Variants in ARHGAP29 observed in about 807,000 individuals in gnomAD.
The protein encoded by ARHGAP29 is Rho GTPase activating protein 29, also known as rho GTPase-activating protein 29.
In ARHGAP29, 43 loss-of-function variants were observed where a neutral mutation model predicts 122.6. The observed-to-expected ratio is 0.35, with a 90% CI of 0.27 to 0.45. The LOEUF (loss-of-function observed/expected upper bound fraction) is 0.45, where lower values mean the gene tolerates loss of function less well. ARHGAP29 is among the 20% of genes least tolerant of loss of function. ARHGAP29 has a pLI of 1.00. For missense variants in ARHGAP29, 1,303 were observed against 1,477.2 expected (o/e 0.88, Z 1.93); for synonymous variants, 506 against 497.1 (o/e 1.02, Z -0.24).
chr1:94,209,118 AG>A (rs1557862962), intron 4 of ARHGAP29, 135 bp downstream of exon 4: 1 of 797,938 alleles, frequency 1.3e-6, no homozygotes, highest in African/African-American at 1.8e-5. Flanking sequence ...AAGGCCATAC[AG>A]AAGGTAGTTT....
chr1:94,313,974 G>A, the ARHGAP29 span, among the ~76,000 whole-genome samples: 21 of 152,222 alleles, frequency 1.4e-4, no homozygotes, highest in South Asian at 3.1e-3. Context: ...AGGGCCTGTC[G>A]GGGGGTGGGG....
chr1:94,178,080 T>A lies in ARHGAP29; in HGVS notation c.2568A>T (p.Thr856=). 1 of 1,614,190 alleles carries A rather than the reference T, an allele frequency of 6.2e-7. No homozygotes were observed. The highest frequency in any genetic ancestry group is 1.3e-5 in the African/African-American group (1 of 75,060). The stretch of plus-strand genomic sequence containing the variant: ...GGGAGGAGATGGTGATAGGAGCAGT[T>A]GTGGGCCTTGGCCTAATGAGACTTG... ...FGPSLIRPRP[T]TAPITISSLA... is the part of the protein sequence containing the mutation. Residue 856 remains threonine, a synonymous_variant, in exon 21 of 23, where the codon ACA becomes ACT. Transcript: ENST00000260526.
chr1:94,255,043 A>C (rs965925308), intron 1 of ARHGAP29, among the ~76,000 whole-genome samples: 4 of 152,230 alleles, frequency 2.6e-5, no homozygotes, highest in African/African-American at 9.6e-5. Context: ...ACAATGTGTT[A>C]TAGGTTGAAC....
In ARHGAP29 at chr1:94,188,198, C is replaced by T. The variant is rs934939745; in HGVS notation, c.1681+639G>A. Among the ~76,000 whole-genome samples the T allele has an allele frequency of 5.3e-5, 8 of 152,216 alleles. No individual in the cohort carries two copies. The South Asian group carries it at 1.2e-3, about 24-fold the overall frequency. Reference sequence around the variant, plus strand: ...AGGCAAGTTACTCTCTTAGAAGCCACTAAGGGAGAATTCAAATCGCTTACT... The same window carrying T: ...AGGCAAGTTACTCTCTTAGAAGCCATTAAGGGAGAATTCAAATCGCTTACT... On this transcript the variant is annotated intron_variant, in intron 15 of 22. Transcript: ENST00000260526.
chr1:94,209,223 T>C, intron 4 of ARHGAP29, 31 bp downstream of exon 4: 3 of 1,437,278 alleles, frequency 2.1e-6, no homozygotes, highest in Non-Finnish European at 2.9e-6. Context: ...CACCTAGGAC[T>C]AGTTGCTTTA....
At chr1:94,201,959 C>A in intron 11 of ARHGAP29, 102 bp from the exon 12 acceptor site, 1 of 1,147,270 alleles carries the variant, frequency 8.7e-7, no homozygotes, top group Non-Finnish European at 1.2e-6. Context: ...ATTCTGAAAT[C>A]TTCTGTTTTC....
At chr1:94,215,818 T>C (rs1454732452) in intron 3 of ARHGAP29, among the ~76,000 whole-genome samples, 1 of 152,004 alleles carries the variant, frequency 6.6e-6, no homozygotes, top group Admixed American at 6.6e-5. Flanking sequence ...AATCAAAGAC[T>C]AAAGGCTAAT....
chr1:94,270,484 TAC>T (rs1270831338), intron 1 of ARHGAP29, among the ~76,000 whole-genome samples: 5 of 152,324 alleles, frequency 3.3e-5, no homozygotes, highest in African/African-American at 1.2e-4. Context: ...TGCCATATCA[TAC>T]AGTCAGACAT....
Position 94,207,780 on chromosome 1 carries a change from G to A in ARHGAP29, c.510+1052C>T, listed in dbSNP as rs904154521. The stretch of plus-strand genomic sequence containing the variant: ...TTTTATTTTATATAATTTTAAGAAG[G>A]ACCTGAGGTTTTTATAATAATATAA... On this transcript the variant is annotated intron_variant, in intron 5 of 22. Transcript: ENST00000260526. Among the ~76,000 whole-genome samples the A allele has an allele frequency of 2.6e-5, 4 of 151,440 alleles. No homozygotes were observed. The East Asian group carries it at 7.7e-4, about 29-fold the overall frequency.
At chr1:94,293,766 T>C in the ARHGAP29 span, among the ~76,000 whole-genome samples, 1 of 152,200 alleles carries the variant, frequency 6.6e-6, no homozygotes, top group Admixed American at 6.5e-5. Flanking sequence ...TCCATGGGTG[T>C]GCCACCCTCC....
intron 5 of ARHGAP29, 22 bp from the exon 6 acceptor site, chr1:94,205,705 A>T: frequency 6.2e-7 from 1 of 1,606,050 alleles, no homozygotes; most frequent in Non-Finnish European, 8.5e-7. Flanking sequence ...GAAAAAGATA[A>T]ATTTAAAATT....
At chr1:94,268,531 A>G (rs1756247) in intron 1 of ARHGAP29, among the ~76,000 whole-genome samples, 3,660 of 152,256 alleles carry the variant, frequency 0.024, 171 homozygotes, top group African/African-American at 0.084. Context: ...CCACATGGGT[A>G]AGGGTTTTTG....
chr1:94,218,954 T>A (rs1414856447), intron 3 of ARHGAP29, among the ~76,000 whole-genome samples: 1 of 152,196 alleles, frequency 6.6e-6, no homozygotes, highest in Admixed American at 6.5e-5. Context: ...GTTCTTGTAT[T>A]ACAGCCCCAT....
At chr1:94,237,308 C>T (rs1278024888) in intron 1 of ARHGAP29, 107 bp downstream of exon 1, 21 of 786,398 alleles carry the variant, frequency 2.7e-5, no homozygotes, top group Non-Finnish European at 3.1e-5. Context: ...GGCCGCCCCG[C>T]GGGCCTCCCG....
chr1:94,226,272 C>G (rs529472909), intron 2 of ARHGAP29, among the ~76,000 whole-genome samples: 3 of 152,020 alleles, frequency 2.0e-5, no homozygotes, highest in East Asian at 1.9e-4. Context: ...TGAGAAACAG[C>G]AATTTACTTT....
rs1346172800 is a variant in ARHGAP29 at position 94,201,780 on chromosome 1, T to A, written c.1221A>T (p.Lys407Asn). ...TCCGGAGTTGTGCTAAAATTTCTCTTTTGGTATTTTCTAGATCATTTCTTC... is the reference window on the plus strand; with the variant it reads ...TCCGGAGTTGTGCTAAAATTTCTCTATTGGTATTTTCTAGATCATTTCTTC... Reference protein sequence around the residue: ...EERRNDLENTKREILAQLRTL... With the variant: ...EERRNDLENTNREILAQLRTL... The change falls in exon 12 of 23, where the codon AAA (lysine) becomes AAT (asparagine). Residue 407 changes from lysine (K) to asparagine (N), a missense_variant. Physicochemically the swap from Lys to Asn is moderately conservative, Grantham distance 94. Coordinates refer to ENST00000260526, the MANE Select transcript of ARHGAP29 (RefSeq NM_004815.4). The A allele has an allele frequency of 1.9e-6, 3 of 1,613,968 alleles. No individual in the cohort carries two copies. The highest frequency in any genetic ancestry group is 1.7e-6 in the Non-Finnish European group (2 of 1,179,946).
At chr1:94,190,720 G>A (rs1650079932) in intron 12 of ARHGAP29, 1 of 152,072 alleles carries the variant, frequency 6.6e-6, no homozygotes, top group African/African-American at 2.4e-5. Flanking sequence ...CTAATTTGAT[G>A]TTCACAAAAA....
At chr1:94,210,170 G>C (rs1651495146) in intron 3 of ARHGAP29, among the ~76,000 whole-genome samples, 1 of 152,112 alleles carries the variant, frequency 6.6e-6, no homozygotes, top group Non-Finnish European at 1.5e-5. Flanking sequence ...TTGCTACTTG[G>C]GCTGGGTATA....
rs554171716 is a variant in ARHGAP29, at chr1:94,208,418, ATAT to A, written c.510+411_510+413del. On this transcript the variant is annotated intron_variant, in intron 5 of 22. Transcript: ENST00000260526. ...CATTACTACCATAAACTTTAAAGAA[ATAT>A]TATCCATACATTCCTTATATTCTGT... 1.1e-4 allele frequency among the ~76,000 whole-genome samples: 17 copies of A among 152,228 alleles called. No homozygotes were observed. The South Asian group carries it at 3.3e-3, about 30-fold the overall frequency.
Sources: allele counts gnomAD v4.1 joint callset (sites outside exome capture counted in the v4.1 genomes callset), GRCh38; gene constraint gnomAD v4.1.1; transcripts MANE v1.5; gene names NCBI Gene and HGNC (gene_info 2026-07-23, HGNC 2026-07-21).